The following HLA-DOA variants were observed in gnomAD, a reference collection of about 807,000 sequenced individuals.
HLA-DOA encodes major histocompatibility complex, class II, DO alpha, also known as HLA class II histocompatibility antigen, DO alpha chain.
A neutral mutation model predicts 22.9 loss-of-function variants in HLA-DOA; 27 were observed. The observed-to-expected ratio is 1.18, with a 90% CI of 0.87 to 1.62. The LOEUF is 1.62. HLA-DOA is among the 40% of genes most tolerant of loss of function. The pLI is 0.00. For missense variants in HLA-DOA, 324 were observed against 332.4 expected (o/e 0.97, Z 0.20); for synonymous variants, 137 against 138.6 (o/e 0.99, Z 0.08).
At chr6:33,008,906 T>G (rs1056346957) in intron 1 of HLA-DOA, among the ~76,000 whole-genome samples, 3 of 152,078 alleles carry the variant, frequency 2.0e-5, no homozygotes, top group African/African-American at 7.2e-5. Context: ...AGGGATTAAG[T>G]TTTAATTCTT....
At position 33,007,874 on chromosome 6, in the gene HLA-DOA, C is replaced by G. The variant is rs374997827; in HGVS notation, c.331+139G>C. ...CAAAGGGGTCTGGGAAGACCTGGAGCCTCCTGGGAAAGAAAGGAACAGGGC... is the reference window on the plus strand; with the variant it reads ...CAAAGGGGTCTGGGAAGACCTGGAGGCTCCTGGGAAAGAAAGGAACAGGGC... On this transcript the variant is annotated intron_variant, in intron 2 of 4. Transcript: ENST00000229829. 57 of 1,211,986 alleles carry G rather than the reference C, an allele frequency of 4.7e-5. No homozygotes were observed. In the East Asian group the frequency reaches 5.0e-4, roughly 11 times the overall value. The allele number at this position is 1,211,986 out of a possible 1,614,324, so 75.1% of individuals were successfully genotyped here.
chr6:33,006,566 C>T lies in HLA-DOA; in HGVS notation c.*272G>A, dbSNP rs3129302. 21,742 of 605,988 alleles carry T rather than the reference C, an allele frequency of 0.036. 554 individuals carry two copies. Among genetic ancestry groups the T allele is most frequent in the African/African-American group, 0.07 (3,797 of 54,346 alleles). The allele number at this position is 605,988 out of a possible 1,614,324, so 37.5% of individuals were successfully genotyped here. On this transcript the variant is annotated 3_prime_UTR_variant, in exon 5 of 5. Transcript: ENST00000229829. ...AGGCCTGGAAAGGACACAGTGCAAA[C>T]ACCACCAAAGCATTTAGTGCTGCCA...
intron 1 of HLA-DOA, 44 bp from the exon 2 acceptor site, chr6:33,008,305 G>C: frequency 6.3e-7 from 1 of 1,597,576 alleles, no homozygotes; most frequent in Non-Finnish European, 8.5e-7. Context: ...AAAAAAATGT[G>C]TCTGTCTCAT....
At position 33,005,214 on chromosome 6, in the gene HLA-DOA, G is replaced by C. The variant is rs1227236281; in HGVS notation, c.*1624C>G. The C allele has an allele frequency of 1.3e-5, 2 of 152,308 alleles. No homozygotes were observed. Among genetic ancestry groups the C allele is most frequent in the Non-Finnish European group, 2.9e-5 (2 of 68,114 alleles). 9.4% of individuals were successfully genotyped at this position (152,308 alleles called of 1,614,324 possible). On this transcript the variant is annotated 3_prime_UTR_variant, in exon 5 of 5. Coordinates refer to ENST00000229829, the MANE Select transcript of HLA-DOA (RefSeq NM_002119.4). Reference sequence around the variant, plus strand: ...GAGCCGGTTAAAAATGACAGCCTCGGCTGGGCACAGTGGCTAATGCCTGTA... The same window carrying C: ...GAGCCGGTTAAAAATGACAGCCTCGCCTGGGCACAGTGGCTAATGCCTGTA...
At chr6:33,008,458 C>T (rs1780925335) in intron 1 of HLA-DOA, 197 bp from the exon 2 acceptor site, 2 of 1,379,382 alleles carry the variant, frequency 1.4e-6, no homozygotes, top group South Asian at 1.6e-5. Context: ...TCCCAGCACA[C>T]TGCAGTCGGC....
rs573173928 is a variant in HLA-DOA at position 33,009,447 on chromosome 6, G to C, written c.82+8C>G. ...TCCCCGCCGCACCCTCCTCGCCCTC[G>C]CACTCACCCTTGGTGGCCCCTGCCT... On this transcript the variant is annotated splice_region_variant and intron_variant, in intron 1 of 4. Transcript: ENST00000229829. This position sits in a 1 kb window ranked among gnomAD's most constrained non-coding sequence, Gnocchi z 4.8. 4 of 1,584,986 alleles carry C rather than the reference G, an allele frequency of 2.5e-6. No individual in the cohort carries two copies. In the South Asian group the frequency reaches 4.6e-5, roughly 18 times the overall value.
chr6:33,008,769 C>A (rs1780936255), intron 1 of HLA-DOA, among the ~76,000 whole-genome samples: 3 of 152,112 alleles, frequency 2.0e-5, no homozygotes, highest in Admixed American at 2.0e-4. Context: ...GGAGAGGCAA[C>A]TCAAGGCATT....
intron 4 of HLA-DOA, 22 bp downstream of exon 4, chr6:33,007,058 C>T (rs764852037): frequency 1.2e-5 from 19 of 1,596,442 alleles, no homozygotes; most frequent in South Asian, 2.2e-5. Flanking sequence ...CCCCACCCCC[C>T]AGACTCCCGG....
chr6:33,007,234 A>C lies in HLA-DOA; in HGVS notation c.614-19T>G. On this transcript the variant is annotated intron_variant, in intron 3 of 4. Transcript: ENST00000229829. ...TGGAGCTCTAGGAGAGAAAGGAAGG[A>C]GTTGGTGGTATATGAAAGGATTCTA... The C allele has an allele frequency of 6.2e-7, 1 of 1,613,576 alleles. No individual in the cohort carries two copies. The highest frequency in any genetic ancestry group is 8.5e-7 in the Non-Finnish European group (1 of 1,180,010).
chr6:33,008,524 T>C (rs1780927821), intron 1 of HLA-DOA: 1 of 880,582 alleles, frequency 1.1e-6, no homozygotes, highest in African/African-American at 1.7e-5. Flanking sequence ...CTGCCTAAAA[T>C]CATGCTTGGG....
chr6:33,007,211 G>A lies in HLA-DOA; in HGVS notation c.618C>T (p.Leu206=). Residue 206 remains leucine (L), a synonymous_variant, in exon 4 of 5, where the codon CTC becomes CTT. Coordinates refer to ENST00000229829, the MANE Select transcript of HLA-DOA (RefSeq NM_002119.4). ...CATCTGGTGGTGGAATAGGCACCTGGAGCTCTAGGAGAGAAAGGAAGGAGT... is the reference window on the plus strand; with the variant it reads ...CATCTGGTGGTGGAATAGGCACCTGAAGCTCTAGGAGAGAAAGGAAGGAGT... The part of the protein sequence containing the change: ...LDAPLLRHWE[L]QVPIPPPDAM... The A allele has an allele frequency of 6.2e-7, 1 of 1,613,786 alleles. No individual in the cohort carries two copies. The highest frequency in any genetic ancestry group is 1.1e-5 in the South Asian group (1 of 91,086).
In HLA-DOA at chr6:33,007,002, C is replaced by T. The variant is rs879185068; in HGVS notation, c.749+78G>A. 6.5e-5 allele frequency: 100 copies of T among 1,541,052 alleles called. 1 individual carries two copies. The South Asian group carries it at 1.2e-3, about 18-fold the overall frequency. ...CTGACTTCTTTCCCCACAACAGAAT[C>T]TCTGATTCTCCACCCACGTCCTGTT... On this transcript the variant is annotated intron_variant, in intron 4 of 4. Coordinates refer to ENST00000229829, the MANE Select transcript of HLA-DOA (RefSeq NM_002119.4).
intron 2 of HLA-DOA, 103 bp from the exon 3 acceptor site, chr6:33,007,695 G>A: frequency 2.2e-6 from 3 of 1,358,522 alleles, no homozygotes; most frequent in Admixed American, 4.4e-5. Context: ...TCTGTGGGCA[G>A]GGGATGCTCT....
chr6:33,008,490 A>G, intron 1 of HLA-DOA: 1 of 1,209,538 alleles, frequency 8.3e-7, no homozygotes, highest in South Asian at 1.9e-5. Flanking sequence ...GCAGTCTGGC[A>G]TATCAGGATG....
Position 33,006,785 on chromosome 6 carries a change from C to A in HLA-DOA, c.*53G>T. 4 of 1,612,988 alleles carry A rather than the reference C, an allele frequency of 2.5e-6. No homozygotes were observed. The South Asian group carries it at 4.4e-5, about 18-fold the overall frequency. On this transcript the variant is annotated 3_prime_UTR_variant, in exon 5 of 5. Coordinates refer to ENST00000229829, the MANE Select transcript of HLA-DOA (RefSeq NM_002119.4). ...CTGAGCACGCAGGGGCTGTCACAAA[C>A]CCATGAGGATCTGCAGGGTGTCTCC...
Position 33,006,714 on chromosome 6 carries a change from G to A in HLA-DOA, c.*124C>T, listed in dbSNP as rs1230213224. On this transcript the variant is annotated 3_prime_UTR_variant, in exon 5 of 5. Transcript: ENST00000229829. Reference sequence around the variant, plus strand: ...AAAAGAGGGGACCCGTAGGACAGATGTTGATCCCACTCAAAGTCAGCACAG... The same window carrying A: ...AAAAGAGGGGACCCGTAGGACAGATATTGATCCCACTCAAAGTCAGCACAG... 4.0e-6 allele frequency: 6 copies of A among 1,513,030 alleles called. No homozygotes were observed. The South Asian group carries it at 6.8e-5, about 17-fold the overall frequency. The allele number at this position is 1,513,030 out of a possible 1,614,324, so 93.7% of individuals were successfully genotyped here.
rs962732700 is a variant in HLA-DOA, at chr6:33,009,465, C to T, written c.72G>A (p.Gly24=). 2.8e-5 allele frequency: 45 copies of T among 1,601,356 alleles called. No homozygotes were observed. The highest frequency in any genetic ancestry group is 3.5e-5 in the Non-Finnish European group (41 of 1,176,076). Residue 24 remains glycine, a synonymous_variant, in exon 1 of 5, where the codon GGG becomes GGA. Transcript: ENST00000229829. This position sits in a 1 kb window ranked among gnomAD's most constrained non-coding sequence, Gnocchi z 4.8. ...LMTLLSPQEA[G]ATKADHMGSY... Reference sequence around the variant, plus strand: ...CGCCCTCGCACTCACCCTTGGTGGCCCCTGCCTCCTGCGGGCTCAGGAGGG... The same window carrying T: ...CGCCCTCGCACTCACCCTTGGTGGCTCCTGCCTCCTGCGGGCTCAGGAGGG...
intron 2 of HLA-DOA, 182 bp downstream of exon 2, chr6:33,007,831 C>T: frequency 1.1e-6 from 1 of 916,140 alleles, no homozygotes; most frequent in Non-Finnish European, 1.6e-6. Context: ...AGGTGTCATT[C>T]CTCAAGGAGA....
chr6:33,007,817 T>A (rs1454018744), intron 2 of HLA-DOA, 196 bp downstream of exon 2: 5 of 853,268 alleles, frequency 5.9e-6, no homozygotes, highest in Non-Finnish European at 8.8e-6. Flanking sequence ...GGAGTCCGGG[T>A]GAGAGGTGTC....
Sources: allele counts gnomAD v4.1 joint callset (sites outside exome capture counted in the v4.1 genomes callset), GRCh38; gene constraint gnomAD v4.1.1; non-coding constraint Gnocchi (gnomAD v3.1); transcripts MANE v1.5; gene names NCBI Gene and HGNC (gene_info 2026-07-23, HGNC 2026-07-21).